Variants in ADAMTSL1 observed in about 807,000 individuals in gnomAD.
The protein encoded by ADAMTSL1 is ADAMTS like 1.
A neutral mutation model predicts 201.8 loss-of-function variants in ADAMTSL1; 126 were observed. The observed-to-expected ratio is 0.62, with a 90% CI of 0.54 to 0.72. The LOEUF (loss-of-function observed/expected upper bound fraction) is 0.72. Ranked by LOEUF, ADAMTSL1 falls within the 30% of genes least tolerant of loss-of-function variation. ADAMTSL1 has a pLI of 0.00. For missense variants in ADAMTSL1, 2,679 were observed against 2,277.8 expected (o/e 1.18, Z -3.59); for synonymous variants, 1,121 against 903.4 (o/e 1.24, Z -4.32).
chr9:18,072,870 C>G (rs576972972), intron 1 of ADAMTSL1, among the ~76,000 whole-genome samples: 38 of 152,230 alleles, frequency 2.5e-4, no homozygotes, highest in African/African-American at 8.9e-4. Context: ...TTGTCTTTTC[C>G]AAAGATGAGA....
intron 1 of ADAMTSL1, among the ~76,000 whole-genome samples, chr9:18,112,184 T>C (rs1434989769): frequency 6.6e-6 from 1 of 152,128 alleles, no homozygotes; most frequent in African/African-American, 2.4e-5. Flanking sequence ...CTTTTTGCAG[T>C]GCTTAGGTGG....
chr9:18,656,646 G>A (rs114802674), intron 7 of ADAMTSL1, among the ~76,000 whole-genome samples: 8,271 of 117,322 alleles, frequency 0.07, 296 homozygotes, highest in Middle Eastern at 0.18. Context: ...AAAAAAAAAA[G>A]AAAATGTTAA....
At chr9:18,259,603 C>T (rs1831837268) in intron 2 of ADAMTSL1, among the ~76,000 whole-genome samples, 1 of 152,124 alleles carries the variant, frequency 6.6e-6, no homozygotes, top group Admixed American at 6.5e-5. Context: ...GGGACACAGC[C>T]CTCCTCTTTC....
At chr9:18,322,524 C>T (rs966453261) in intron 2 of ADAMTSL1, among the ~76,000 whole-genome samples, 2 of 151,956 alleles carry the variant, frequency 1.3e-5, no homozygotes, top group Non-Finnish European at 2.9e-5. Flanking sequence ...TCTCAGCTAC[C>T]TGGGAGGCTG....
intron 2 of ADAMTSL1, among the ~76,000 whole-genome samples, chr9:18,516,151 A>G (rs1052788503): frequency 1.3e-5 from 2 of 151,896 alleles, no homozygotes; most frequent in African/African-American, 4.8e-5. Flanking sequence ...TTATTGAATT[A>G]TTCTTCGGTT....
At chr9:18,514,327 CTTTTTTTTTTTTTTT>C (rs397963773) in intron 2 of ADAMTSL1, among the ~76,000 whole-genome samples, 1 of 100,104 alleles carries the variant, frequency 1.0e-5, no homozygotes, top group African/African-American at 3.9e-5. Flanking sequence ...ATTTTTCTTT[CTTTTTTTTTTTTTTT>C]TTTTTTTTGA....
At chr9:18,740,177 G>A (rs536497769) in intron 15 of ADAMTSL1, among the ~76,000 whole-genome samples, 32 of 152,248 alleles carry the variant, frequency 2.1e-4, no homozygotes, top group African/African-American at 7.7e-4. Context: ...TTCTCACTAA[G>A]GCTGGCAAAT....
chr9:18,568,731 T>C (rs1430235153), intron 3 of ADAMTSL1, among the ~76,000 whole-genome samples: 2 of 151,824 alleles, frequency 1.3e-5, no homozygotes, highest in Admixed American at 1.3e-4. Context: ...CATGGATTTT[T>C]TTTTTTTTTT....
At chr9:18,834,336 ATT>A (rs1825181117) in intron 23 of ADAMTSL1, among the ~76,000 whole-genome samples, 1 of 152,074 alleles carries the variant, frequency 6.6e-6, no homozygotes, top group Non-Finnish European at 1.5e-5. Flanking sequence ...ATGTTTTTCT[ATT>A]TGTTTGTGTC....
intron 1 of ADAMTSL1, among the ~76,000 whole-genome samples, chr9:18,047,285 A>C (rs1032037356): frequency 1.3e-5 from 2 of 152,218 alleles, no homozygotes; most frequent in African/African-American, 2.4e-5. Flanking sequence ...CTTTCAACCC[A>C]GGGTAATTTT....
intron 1 of ADAMTSL1, among the ~76,000 whole-genome samples, chr9:18,131,103 C>T (rs1016466913): frequency 3.4e-4 from 52 of 152,218 alleles, no homozygotes; most frequent in African/African-American, 1.2e-3. Flanking sequence ...AGAAAGGCCC[C>T]ATTTGGTTCC....
intron 26 of ADAMTSL1, among the ~76,000 whole-genome samples, chr9:18,898,911 C>T (rs1194292037): frequency 6.6e-6 from 1 of 152,182 alleles, no homozygotes; most frequent in Non-Finnish European, 1.5e-5. Context: ...TGCCCTCTCT[C>T]ACCACTCCTA....
At chr9:17,932,771 A>G (rs1399782195) in intron 1 of ADAMTSL1, among the ~76,000 whole-genome samples, 4 of 152,172 alleles carry the variant, frequency 2.6e-5, no homozygotes, top group African/African-American at 4.8e-5. Context: ...ATTACAATAG[A>G]CTATTCTCCA....
chr9:18,783,463 A>G (rs540550955), intron 19 of ADAMTSL1, among the ~76,000 whole-genome samples: 11 of 152,344 alleles, frequency 7.2e-5, no homozygotes, highest in South Asian at 2.1e-4. Flanking sequence ...CTCTGAAGCC[A>G]GATTCAAGGA....
At chr9:18,392,279 A>G (rs1322163289) in intron 2 of ADAMTSL1, among the ~76,000 whole-genome samples, 1 of 152,234 alleles carries the variant, frequency 6.6e-6, no homozygotes, top group African/African-American at 2.4e-5. Context: ...CATTTAAATC[A>G]CATAAAGTCA....
intron 14 of ADAMTSL1, among the ~76,000 whole-genome samples, chr9:18,719,140 A>G (rs745375836): frequency 6.6e-6 from 1 of 152,192 alleles, no homozygotes; most frequent in African/African-American, 2.4e-5. Context: ...CATCCCATCT[A>G]CAACCAAGAG....
At chr9:18,606,479 C>A (rs1373804951) in intron 4 of ADAMTSL1, among the ~76,000 whole-genome samples, 1 of 152,176 alleles carries the variant, frequency 6.6e-6, no homozygotes, top group African/African-American at 2.4e-5. Flanking sequence ...AGAGCGCTCG[C>A]ATGAGTAGCT....
At chr9:18,706,200 T>G (rs867276904) in intron 13 of ADAMTSL1, among the ~76,000 whole-genome samples, 17 of 152,150 alleles carry the variant, frequency 1.1e-4, no homozygotes, top group African/African-American at 4.1e-4. Flanking sequence ...TCAGACCATA[T>G]AGGGTAACTT....
At chr9:18,863,850 A>C (rs1827352109) in intron 23 of ADAMTSL1, among the ~76,000 whole-genome samples, 1 of 152,214 alleles carries the variant, frequency 6.6e-6, no homozygotes, top group Non-Finnish European at 1.5e-5. Context: ...ATCCCTCTAT[A>C]AAATTTACAG....
Sources: allele counts gnomAD v4.1 joint callset (sites outside exome capture counted in the v4.1 genomes callset), GRCh38; gene constraint gnomAD v4.1.1; transcripts MANE v1.5; gene names NCBI Gene and HGNC (gene_info 2026-07-23, HGNC 2026-07-21).